CSMD1: variants seen among roughly 807,000 people sequenced by gnomAD.
CSMD1 encodes the protein CUB and Sushi multiple domains 1, also known as CUB and sushi domain-containing protein 1.
Under a neutral mutation model 417.5 loss-of-function variants are expected in CSMD1, and 213 were observed. That is an observed-to-expected ratio of 0.51 (90% CI 0.46 to 0.57). The LOEUF (loss-of-function observed/expected upper bound fraction) is 0.57. CSMD1 is among the 20% of genes least tolerant of loss of function. The pLI is 0.00. For synonymous variants in CSMD1, 2,862 were observed against 1,736.8 expected (o/e 1.65, Z -16.11); for missense variants, 6,923 against 4,529.7 (o/e 1.53, Z -15.17).
At chr8:4,617,812 T>C (rs911650285) in intron 2 of CSMD1, among the ~76,000 whole-genome samples, 4 of 152,128 alleles carry the variant, frequency 2.6e-5, no homozygotes, top group African/African-American at 7.2e-5. Flanking sequence ...ATTTTTTATC[T>C]CCCTCCTCCA....
chr8:4,564,360 C>T (rs1306676589), intron 2 of CSMD1, among the ~76,000 whole-genome samples: 1 of 152,040 alleles, frequency 6.6e-6, no homozygotes, highest in Non-Finnish European at 1.5e-5. Context: ...AGAAAAATAA[C>T]ATAGATTGGT....
intron 5 of CSMD1, among the ~76,000 whole-genome samples, chr8:3,908,430 A>T (rs2129137862): frequency 6.6e-6 from 1 of 152,244 alleles, no homozygotes; most frequent in Admixed American, 6.5e-5. Flanking sequence ...GTAAGCACAA[A>T]ACTTTGCTCG....
At chr8:4,106,621 A>C (rs1347215530) in intron 3 of CSMD1, among the ~76,000 whole-genome samples, 2 of 152,222 alleles carry the variant, frequency 1.3e-5, no homozygotes, top group East Asian at 3.8e-4. Flanking sequence ...TATTCACCAA[A>C]ATATATCCAA....
intron 5 of CSMD1, among the ~76,000 whole-genome samples, chr8:3,839,208 A>C (rs1331340483): frequency 1.6e-5 from 2 of 122,486 alleles, no homozygotes; most frequent in East Asian, 4.4e-4. Flanking sequence ...ATATGTAATA[A>C]ATTAATATAT....
intron 3 of CSMD1, among the ~76,000 whole-genome samples, chr8:4,284,549 G>T (rs1448515232): frequency 6.6e-6 from 1 of 152,058 alleles, no homozygotes; most frequent in African/African-American, 2.4e-5. Flanking sequence ...ACTTGCATAT[G>T]CCAGCCCCAA....
At chr8:4,434,991 G>A (rs1219292327) in intron 2 of CSMD1, among the ~76,000 whole-genome samples, 1 of 152,056 alleles carries the variant, frequency 6.6e-6, no homozygotes, top group Non-Finnish European at 1.5e-5. Flanking sequence ...CTCATATTTT[G>A]CATACTTTTG....
chr8:3,650,999 C>A (rs999710648), intron 7 of CSMD1, among the ~76,000 whole-genome samples: 3 of 152,136 alleles, frequency 2.0e-5, no homozygotes, highest in Non-Finnish European at 2.9e-5. Flanking sequence ...TTCCTTAGAC[C>A]AAAAACCTTG....
intron 3 of CSMD1, among the ~76,000 whole-genome samples, chr8:4,161,226 A>T (rs1285870533): frequency 6.6e-6 from 1 of 152,138 alleles, no homozygotes; most frequent in Non-Finnish European, 1.5e-5. Flanking sequence ...CAACCCTCTA[A>T]AGCAAGCACT....
At chr8:4,700,563 G>C (rs1807461148) in intron 1 of CSMD1, among the ~76,000 whole-genome samples, 1 of 152,070 alleles carries the variant, frequency 6.6e-6, no homozygotes, top group Admixed American at 6.6e-5. Context: ...AAAAACTTAA[G>C]TGTGATTTGC....
chr8:3,717,277 C>G (rs1353188987), intron 6 of CSMD1, among the ~76,000 whole-genome samples: 1 of 152,132 alleles, frequency 6.6e-6, no homozygotes, highest in Admixed American at 6.5e-5. Context: ...TTAATCAACT[C>G]TTTCAACGCT....
chr8:4,006,105 T>C (rs1235447025), intron 4 of CSMD1, among the ~76,000 whole-genome samples: 1 of 152,210 alleles, frequency 6.6e-6, no homozygotes. Context: ...GAAAGCACCA[T>C]GTCCGAGGAG....
At chr8:4,761,845 ATC>A (rs1015800310) in intron 1 of CSMD1, among the ~76,000 whole-genome samples, 25 of 58,256 alleles carry the variant, frequency 4.3e-4, no homozygotes, top group African/African-American at 1.3e-3. Context: ...GCATCTATCT[ATC>A]TATCTATCTA....
intron 6 of CSMD1, among the ~76,000 whole-genome samples, chr8:3,720,620 T>TCACACACAC (rs72331833): frequency 1.4e-5 from 2 of 143,322 alleles, no homozygotes; most frequent in Non-Finnish European, 3.0e-5. Context: ...TCTTTATTCT[T>TCACACACAC]ACACACACAC....
intron 1 of CSMD1, among the ~76,000 whole-genome samples, chr8:4,799,684 C>T (rs912851471): frequency 1.4e-5 from 2 of 145,126 alleles, no homozygotes; most frequent in African/African-American, 5.1e-5. Flanking sequence ...ATTTTCACTG[C>T]TTTGGAGATT....
intron 1 of CSMD1, among the ~76,000 whole-genome samples, chr8:4,966,422 C>T (rs907312304): frequency 5.3e-5 from 8 of 151,994 alleles, no homozygotes; most frequent in Non-Finnish European, 5.9e-5. Flanking sequence ...AACTATCTCC[C>T]GGTATTTGGA....
intron 3 of CSMD1, among the ~76,000 whole-genome samples, chr8:4,272,435 A>G (rs1468077101): frequency 6.6e-6 from 1 of 152,198 alleles, no homozygotes. Context: ...ACTACATAGG[A>G]AAAACTATCT....
intron 39 of CSMD1, 67 bp downstream of exon 39, chr8:3,157,830 A>G (rs561474953): frequency 6.3e-5 from 81 of 1,290,120 alleles, no homozygotes; most frequent in Non-Finnish European, 8.5e-5. Flanking sequence ...TTTGACCCCA[A>G]GAGTAGAGCA....
chr8:4,530,073 C>T (rs938370023), intron 2 of CSMD1, among the ~76,000 whole-genome samples: 1 of 151,574 alleles, frequency 6.6e-6, no homozygotes, highest in Non-Finnish European at 1.5e-5. Context: ...CGCCACCACG[C>T]CCGACTAGTT....
chr8:3,434,434 C>G (rs994378140), intron 12 of CSMD1, among the ~76,000 whole-genome samples: 2 of 152,124 alleles, frequency 1.3e-5, no homozygotes, highest in Non-Finnish European at 2.9e-5. Context: ...TTTGCTTATT[C>G]CATACAAGCC....
Sources: gnomAD v4.1 joint callset for allele counts (sites outside exome capture counted in the v4.1 genomes callset) on GRCh38, gnomAD v4.1.1 for gene constraint, MANE v1.5 for transcripts, NCBI Gene and HGNC (gene_info 2026-07-23, HGNC 2026-07-21) for gene names.